NBEA: variants seen among roughly 807,000 people sequenced by gnomAD.
NBEA encodes neurobeachin.
NBEA carries 44 observed loss-of-function variants against 343.4 expected under a neutral mutation model. The ratio of observed to expected loss-of-function variants is 0.13; its 90% CI spans 0.10 to 0.16. NBEA has a LOEUF of 0.16. Ranked by LOEUF, NBEA falls within the 10% of genes least tolerant of loss-of-function variation. The pLI is 1.00. For missense variants in NBEA, 2,555 were observed against 3,631.3 expected (o/e 0.70, Z 7.62); for synonymous variants, 1,175 against 1,238.7 (o/e 0.95, Z 1.08).
chr13:35,060,188 A>G (rs1293926191), intron 8 of NBEA, among the ~76,000 whole-genome samples: 1 of 151,898 alleles, frequency 6.6e-6, no homozygotes, highest in Non-Finnish European at 1.5e-5. Flanking sequence ...ATGAAATATA[A>G]GAAGGTAGAA....
intron 40 of NBEA, among the ~76,000 whole-genome samples, chr13:35,469,924 C>T (rs1028243857): frequency 6.6e-6 from 1 of 152,174 alleles, no homozygotes; most frequent in South Asian, 2.1e-4. Flanking sequence ...ATTTTAATAT[C>T]GGATCCCTAA....
chr13:35,052,434 A>T (rs1221011156), intron 6 of NBEA, among the ~76,000 whole-genome samples: 1 of 151,880 alleles, frequency 6.6e-6, no homozygotes. Context: ...TGTACTTTTA[A>T]TTTTCAATTT....
At chr13:35,097,328 A>C (rs894397402) in intron 10 of NBEA, among the ~76,000 whole-genome samples, 1 of 151,840 alleles carries the variant, frequency 6.6e-6, no homozygotes, top group African/African-American at 2.4e-5. Context: ...TGCATTTAAA[A>C]TATGTTTAGA....
intron 38 of NBEA, among the ~76,000 whole-genome samples, chr13:35,404,838 GT>G (rs1269086549): frequency 6.6e-6 from 1 of 152,076 alleles, no homozygotes; most frequent in Non-Finnish European, 1.5e-5. Flanking sequence ...GGAATGTCAT[GT>G]GATACGAAAT....
chr13:35,159,543 G>A lies in NBEA; in HGVS notation c.3372G>A (p.Lys1124=), dbSNP rs2069408236. Residue 1124 remains lysine (K), a synonymous_variant, in exon 22 of 59, where the codon AAG becomes AAA. Coordinates refer to ENST00000379939, the MANE Select transcript of NBEA (RefSeq NM_001385012.1). ...GTATCATTAAAAAAAATGAAGAAAA[G>A]GATAATGGTCCATTGATAACATTAG... ...SVGIIKKNEE[K]DNGPLITLAD... is the part of the protein sequence containing the mutation. 1 of 1,612,492 alleles carries A rather than the reference G, an allele frequency of 6.2e-7. No individual in the cohort carries two copies.
chr13:35,064,211 G>C (rs1357009045), intron 8 of NBEA, among the ~76,000 whole-genome samples: 1 of 151,918 alleles, frequency 6.6e-6, no homozygotes, highest in Non-Finnish European at 1.5e-5. Context: ...AGTGAAGTGA[G>C]TTCAGAGAAA....
At chr13:35,370,526 T>C (rs928809125) in intron 38 of NBEA, among the ~76,000 whole-genome samples, 2 of 152,218 alleles carry the variant, frequency 1.3e-5, no homozygotes, top group Admixed American at 1.3e-4. Flanking sequence ...TGTAATCTGT[T>C]TACATTCAAG....
At chr13:35,661,527 G>A (rs1040029081) in intron 55 of NBEA, among the ~76,000 whole-genome samples, 5 of 152,156 alleles carry the variant, frequency 3.3e-5, no homozygotes, top group African/African-American at 1.2e-4. Context: ...CCAACCCACA[G>A]AATGTTTTTA....
At chr13:35,313,367 A>G (rs2037497848) in intron 36 of NBEA, among the ~76,000 whole-genome samples, 1 of 152,174 alleles carries the variant, frequency 6.6e-6, no homozygotes, top group Admixed American at 6.5e-5. Context: ...ATTTGCTGCT[A>G]TATCTCTATA....
intron 2 of NBEA, among the ~76,000 whole-genome samples, chr13:35,041,808 C>T (rs1315769671): frequency 1.3e-5 from 2 of 151,984 alleles, no homozygotes; most frequent in African/African-American, 2.4e-5. Context: ...CTTGCATGCT[C>T]ATTCTCCTGT....
At chr13:35,235,955 C>T (rs2075208219) in intron 34 of NBEA, among the ~76,000 whole-genome samples, 1 of 151,934 alleles carries the variant, frequency 6.6e-6, no homozygotes, top group African/African-American at 2.4e-5. Flanking sequence ...TTTGTGTTCC[C>T]CTGGCAGTAT....
chr13:35,475,770 G>C (rs750516819), intron 41 of NBEA: 4 of 1,613,942 alleles, frequency 2.5e-6, no homozygotes, highest in South Asian at 1.1e-5. Flanking sequence ...TGCGCGCCGA[G>C]AGGTAGCCGG....
At chr13:35,065,370 G>A (rs1222919412) in intron 8 of NBEA, among the ~76,000 whole-genome samples, 1 of 151,464 alleles carries the variant, frequency 6.6e-6, no homozygotes, top group East Asian at 1.9e-4. Flanking sequence ...CTTGTTAGAT[G>A]TTCAAAGGAT....
intron 27 of NBEA, among the ~76,000 whole-genome samples, chr13:35,176,026 T>C (rs1423045490): frequency 6.6e-6 from 1 of 152,124 alleles, no homozygotes; most frequent in East Asian, 1.9e-4. Context: ...TCTTTAACCA[T>C]CCTGTAGTAA....
intron 48 of NBEA, among the ~76,000 whole-genome samples, chr13:35,619,424 G>A (rs1359873712): frequency 1.3e-5 from 2 of 152,086 alleles, no homozygotes; most frequent in African/African-American, 2.4e-5. Context: ...TGGCTCAGTG[G>A]CAGCAGACTG....
chr13:35,109,494 A>G lies in NBEA; in HGVS notation c.1833+52A>G, dbSNP rs1299816657. On this transcript the variant is annotated intron_variant, in intron 12 of 58. Coordinates refer to ENST00000379939, the MANE Select transcript of NBEA (RefSeq NM_001385012.1). ...GATTTAGTGTAATGTTATACATTAT[A>G]GTTGCTGGATCTATAGTATTCAGTG... 4.1e-6 allele frequency: 6 copies of G among 1,453,132 alleles called. No individual in the cohort carries two copies. The Admixed American group carries it at 1.0e-4, about 25-fold the overall frequency. The allele number at this position is 1,453,132 out of a possible 1,614,324, so 90.0% of individuals were successfully genotyped here. A position where few individuals can be genotyped will look rare whatever the true frequency, so the allele number is the denominator to read the frequency against.
chr13:35,634,198 C>T (rs1184932663), intron 49 of NBEA, among the ~76,000 whole-genome samples: 1 of 152,034 alleles, frequency 6.6e-6, no homozygotes, highest in Non-Finnish European at 1.5e-5. Context: ...CAAAAAATAG[C>T]TGGGCGTGGT....
intron 41 of NBEA, among the ~76,000 whole-genome samples, chr13:35,499,561 C>T (rs1250183043): frequency 6.6e-6 from 1 of 152,030 alleles, no homozygotes; most frequent in Non-Finnish European, 1.5e-5. Context: ...TTTTTGTTTG[C>T]TACCCTTATT....
chr13:35,021,198 T>C (rs568653804), intron 1 of NBEA, among the ~76,000 whole-genome samples: 1 of 152,282 alleles, frequency 6.6e-6, no homozygotes, highest in African/African-American at 2.4e-5. Flanking sequence ...CCTGACTTTA[T>C]AGTTTTATCG....
Sources: gnomAD v4.1 joint callset for allele counts (sites outside exome capture counted in the v4.1 genomes callset) on GRCh38, gnomAD v4.1.1 for gene constraint, MANE v1.5 for transcripts, NCBI Gene and HGNC (gene_info 2026-07-23, HGNC 2026-07-21) for gene names.